CNTN3: variants seen among roughly 807,000 people sequenced by gnomAD.
The protein encoded by CNTN3 is contactin-3.
A neutral mutation model predicts 119.1 loss-of-function variants in CNTN3; 60 were observed. The observed-to-expected ratio is 0.50, with a 90% CI of 0.41 to 0.62. The LOEUF (loss-of-function observed/expected upper bound fraction) is 0.62. CNTN3 is among the 20% of genes least tolerant of loss of function. CNTN3 has a pLI of 0.00. For synonymous variants in CNTN3, 450 were observed against 438.7 expected, an observed-to-expected ratio of 1.03 and a Z score of -0.32; for missense variants, 1,101 against 1,242.4, an observed-to-expected ratio of 0.89 and a Z score of 1.71.
At chr3:74,333,827 A>T (rs1450786351) in intron 13 of CNTN3, among the ~76,000 whole-genome samples, 1 of 152,190 alleles carries the variant, frequency 6.6e-6, no homozygotes, top group Admixed American at 6.5e-5. Flanking sequence ...AAATGAACAC[A>T]GTTGAGTTGA....
At chr3:74,554,349 T>G (rs1467854189) in intron 1 of CNTN3, among the ~76,000 whole-genome samples, 2 of 152,156 alleles carry the variant, frequency 1.3e-5, no homozygotes, top group Non-Finnish European at 2.9e-5. Context: ...AGTCAGGTAG[T>G]GTGATGCCTC....
intron 1 of CNTN3, among the ~76,000 whole-genome samples, chr3:74,610,077 C>T (rs1277809779): frequency 1.3e-5 from 2 of 152,100 alleles, no homozygotes; most frequent in African/African-American, 4.8e-5. Context: ...AATCTCAGCA[C>T]TTTGGGAGGT....
chr3:74,306,086 G>C (rs186256673), intron 13 of CNTN3, among the ~76,000 whole-genome samples: 6 of 151,608 alleles, frequency 4.0e-5, no homozygotes, highest in African/African-American at 1.5e-4. Flanking sequence ...AGAAAAAAAA[G>C]GTAAAAGAAA....
chr3:74,303,025 AAAC>A (rs1440180507), intron 13 of CNTN3, among the ~76,000 whole-genome samples: 2 of 152,236 alleles, frequency 1.3e-5, no homozygotes, highest in African/African-American at 4.8e-5. Context: ...GTAGCCAAAT[AAAC>A]AACAAGCTTC....
At chr3:74,468,569 A>T (rs2106994484) in intron 4 of CNTN3, among the ~76,000 whole-genome samples, 1 of 152,276 alleles carries the variant, frequency 6.6e-6, no homozygotes, top group Non-Finnish European at 1.5e-5. Flanking sequence ...TAAATATCTT[A>T]ATTGAATTAT....
intron 3 of CNTN3, among the ~76,000 whole-genome samples, chr3:74,492,581 G>C (rs1702984178): frequency 6.6e-6 from 1 of 152,126 alleles, no homozygotes; most frequent in African/African-American, 2.4e-5. Flanking sequence ...TTCCTGAATA[G>C]AAAGCATAAT....
chr3:74,522,774 T>C (rs1575806496), intron 1 of CNTN3, among the ~76,000 whole-genome samples: 1 of 147,582 alleles, frequency 6.8e-6, no homozygotes, highest in East Asian at 2.0e-4. Context: ...ACTCCAGAGG[T>C]GGAAAAAGGA....
chr3:74,319,442 C>G (rs1278637227), intron 13 of CNTN3, among the ~76,000 whole-genome samples: 7 of 152,068 alleles, frequency 4.6e-5, no homozygotes, highest in Non-Finnish European at 8.8e-5. Flanking sequence ...ATAAATGGTG[C>G]TGGGAAAACT....
intron 4 of CNTN3, among the ~76,000 whole-genome samples, chr3:74,458,416 A>C (rs1702307698): frequency 6.6e-6 from 1 of 152,032 alleles, no homozygotes; most frequent in Non-Finnish European, 1.5e-5. Context: ...AAAAAAATCA[A>C]AGGAATAACT....
At chr3:74,286,046 T>A (rs956153759) in intron 19 of CNTN3, among the ~76,000 whole-genome samples, 3 of 151,934 alleles carry the variant, frequency 2.0e-5, no homozygotes, top group African/African-American at 7.2e-5. Context: ...GTACTACAAC[T>A]GAAAGAACAG....
rs528419243 is a variant in CNTN3, at chr3:74,441,664, A to G, written c.359-16724T>C. Among the ~76,000 whole-genome samples, 138 of 152,314 alleles carry G rather than the reference A, an allele frequency of 9.1e-4. No individual in the cohort carries two copies. The Middle Eastern group carries it at 0.014, about 15-fold the overall frequency. On this transcript the variant is annotated intron_variant, in intron 4 of 22. Coordinates refer to ENST00000263665, the MANE Select transcript of CNTN3 (RefSeq NM_020872.3). ...GTGCTGATGTGGAGGATAAAATGAG[A>G]TGAAAATGGGACAAATCTAAACATA...
intron 5 of CNTN3, among the ~76,000 whole-genome samples, chr3:74,414,087 C>T (rs1701481557): frequency 6.6e-6 from 1 of 152,196 alleles, no homozygotes. Context: ...GCGAAGCACC[C>T]ACCAGCTACT....
chr3:74,418,090 G>A (rs1329702523), intron 5 of CNTN3, among the ~76,000 whole-genome samples: 1 of 152,154 alleles, frequency 6.6e-6, no homozygotes, highest in Non-Finnish European at 1.5e-5. Context: ...TTTTGCACCT[G>A]CTCCTTTAGG....
At chr3:74,598,776 T>G (rs1014954777) in intron 1 of CNTN3, among the ~76,000 whole-genome samples, 3 of 152,026 alleles carry the variant, frequency 2.0e-5, no homozygotes, top group African/African-American at 7.2e-5. Flanking sequence ...TAAATATGAT[T>G]AGTTAGTCAT....
At chr3:74,354,715 A>G (rs1272386799) in intron 11 of CNTN3, among the ~76,000 whole-genome samples, 1 of 152,112 alleles carries the variant, frequency 6.6e-6, no homozygotes, top group Non-Finnish European at 1.5e-5. Context: ...ATATAAAACA[A>G]ACAAACAAAA....
chr3:74,272,570 A>G (rs1314614063), intron 20 of CNTN3, among the ~76,000 whole-genome samples: 1 of 152,192 alleles, frequency 6.6e-6, no homozygotes, highest in Non-Finnish European at 1.5e-5. Context: ...ATAGGCTTGT[A>G]TTGCATTATA....
intron 13 of CNTN3, among the ~76,000 whole-genome samples, chr3:74,319,735 C>A (rs182144915): frequency 1.3e-5 from 2 of 149,722 alleles, no homozygotes; most frequent in Non-Finnish European, 3.0e-5. Flanking sequence ...AGGCACCCTA[C>A]AAAATGGGAA....
intron 5 of CNTN3, among the ~76,000 whole-genome samples, chr3:74,408,548 T>C (rs1372494683): frequency 2.6e-5 from 4 of 152,178 alleles, no homozygotes; most frequent in Non-Finnish European, 5.9e-5. Flanking sequence ...GGCTTGCTTT[T>C]TGGATCCTTG....
intron 4 of CNTN3, among the ~76,000 whole-genome samples, chr3:74,465,707 C>G (rs999538141): frequency 2.6e-5 from 4 of 152,158 alleles, no homozygotes; most frequent in South Asian, 2.1e-4. Context: ...TATTTACTTT[C>G]AGAACCCTCC....
Sources: gnomAD v4.1 joint callset for allele counts (sites outside exome capture counted in the v4.1 genomes callset) on GRCh38, gnomAD v4.1.1 for gene constraint, MANE v1.5 for transcripts, NCBI Gene and HGNC (gene_info 2026-07-23, HGNC 2026-07-21) for gene names.